MSH4: variants seen among roughly 807,000 people sequenced by gnomAD.
MSH4 encodes the protein mutS protein homolog 4.
Under a neutral mutation model 113.7 loss-of-function variants are expected in MSH4, and 106 were observed. That is an observed-to-expected ratio of 0.93 (90% CI 0.80 to 1.10). The LOEUF (loss-of-function observed/expected upper bound fraction) is 1.10, where lower values mean the gene tolerates loss of function less well. MSH4 is among the 50% of genes least tolerant of loss of function. The pLI is 0.00. For synonymous variants in MSH4, 368 were observed against 380.2 expected (o/e 0.97, Z 0.37); for missense variants, 1,061 against 1,093.7 (o/e 0.97, Z 0.42).
intron 8 of MSH4, among the ~76,000 whole-genome samples, chr1:75,862,042 A>C (rs1651467568): frequency 6.6e-6 from 1 of 151,964 alleles, no homozygotes; most frequent in African/African-American, 2.4e-5. Flanking sequence ...GGTTGATCTC[A>C]GACTGCTGAG....
chr1:75,912,599 G>T, intron 19 of MSH4, 97 bp from the exon 20 acceptor site: 2 of 730,788 alleles, frequency 2.7e-6, no homozygotes, highest in Non-Finnish European at 2.0e-6. Context: ...AGTTCCATAT[G>T]TCTATGGAAG....
chr1:75,798,442 C>T (rs1174176329), intron 1 of MSH4, among the ~76,000 whole-genome samples: 2 of 151,968 alleles, frequency 1.3e-5, no homozygotes, highest in African/African-American at 4.8e-5. Context: ...TGACTATCTC[C>T]ACAGCTCAGA....
intron 6 of MSH4, among the ~76,000 whole-genome samples, chr1:75,819,957 C>T (rs1262717828): frequency 3.3e-5 from 5 of 152,096 alleles, no homozygotes; most frequent in Admixed American, 3.3e-4. Context: ...CTCAAGTGAT[C>T]CACCTGCCTC....
At chr1:75,843,210 C>A (rs912970908) in intron 7 of MSH4, among the ~76,000 whole-genome samples, 2 of 152,166 alleles carry the variant, frequency 1.3e-5, no homozygotes, top group Admixed American at 6.5e-5. Flanking sequence ...TGCTTTGTAT[C>A]CAATAAATAA....
chr1:75,897,909 A>G lies in MSH4; in HGVS notation c.2358A>G (p.Ala786=), dbSNP rs774377205. Residue 786 remains alanine (A), a splice_region_variant and synonymous_variant, in exon 18 of 20, where the codon GCA becomes GCG. Transcript: ENST00000263187. The part of the protein sequence containing the change: ...AVCEYLLSLK[A]FTLFATHFLE... Reference sequence around the variant, plus strand: ...TCATTGTCTGTTATATATTCCAGGCATTTACACTGTTTGCTACACATTTCC... The same window carrying G: ...TCATTGTCTGTTATATATTCCAGGCGTTTACACTGTTTGCTACACATTTCC... 2 of 1,538,452 alleles carry G rather than the reference A, an allele frequency of 1.3e-6. No homozygotes were observed. Among genetic ancestry groups the G allele is most frequent in the East Asian group, 4.7e-5 (2 of 42,282 alleles).
intron 8 of MSH4, among the ~76,000 whole-genome samples, chr1:75,850,778 G>A (rs752060040): frequency 6.6e-6 from 1 of 152,040 alleles, no homozygotes; most frequent in Admixed American, 6.5e-5. Flanking sequence ...AGAAAGGAGT[G>A]TCAAAATCTC....
At chr1:75,841,603 C>T (rs780044311) in intron 7 of MSH4, among the ~76,000 whole-genome samples, 1 of 152,130 alleles carries the variant, frequency 6.6e-6, no homozygotes, top group Admixed American at 6.5e-5. Context: ...TGAGACTAGA[C>T]TATGAAGGGC....
intron 19 of MSH4, among the ~76,000 whole-genome samples, chr1:75,910,719 A>G (rs189199004): frequency 1.4e-3 from 219 of 152,168 alleles, no homozygotes; most frequent in African/African-American, 5.2e-3. Flanking sequence ...CTCTGAATCT[A>G]TATATTTTTC....
chr1:75,836,188 A>G (rs142204508), intron 7 of MSH4, among the ~76,000 whole-genome samples: 1 of 152,220 alleles, frequency 6.6e-6, no homozygotes, highest in African/African-American at 2.4e-5. Context: ...CCTTCCACAC[A>G]ACTTTGCCTG....
At chr1:75,908,685 G>C (rs1652723218) in intron 19 of MSH4, among the ~76,000 whole-genome samples, 1 of 152,076 alleles carries the variant, frequency 6.6e-6, no homozygotes, top group Non-Finnish European at 1.5e-5. Context: ...TGCAATGAAG[G>C]ATCAGTTTAT....
intron 15 of MSH4, among the ~76,000 whole-genome samples, chr1:75,887,626 G>A (rs989931449): frequency 6.6e-6 from 1 of 152,130 alleles, no homozygotes; most frequent in Non-Finnish European, 1.5e-5. Flanking sequence ...GTAAGTCAAA[G>A]TATTGAGAAG....
At chr1:75,879,413 AAAT>A (rs1376692446) in intron 12 of MSH4, among the ~76,000 whole-genome samples, 1 of 152,230 alleles carries the variant, frequency 6.6e-6, no homozygotes, top group African/African-American at 2.4e-5. Flanking sequence ...GAAATTAGGA[AAAT>A]ACCACACCAT....
At chr1:75,910,842 A>G (rs1652772743) in intron 19 of MSH4, among the ~76,000 whole-genome samples, 1 of 152,112 alleles carries the variant, frequency 6.6e-6, no homozygotes, top group African/African-American at 2.4e-5. Context: ...GACTCACCAA[A>G]GTCATATATG....
At chr1:75,882,396 G>A (rs949749491) in intron 14 of MSH4, among the ~76,000 whole-genome samples, 3 of 151,604 alleles carry the variant, frequency 2.0e-5, no homozygotes, top group Admixed American at 6.6e-5. Flanking sequence ...GGAACATTTT[G>A]GTTTTCACAT....
At chr1:75,841,717 G>C (rs188416629) in intron 7 of MSH4, among the ~76,000 whole-genome samples, 28 of 152,182 alleles carry the variant, frequency 1.8e-4, no homozygotes, top group Admixed American at 7.2e-4. Context: ...GAAACATTCT[G>C]GTTGTAGTGA....
intron 6 of MSH4, 36 bp downstream of exon 6, chr1:75,816,582 G>A (rs201054535): frequency 1.3e-5 from 16 of 1,198,732 alleles, no homozygotes; most frequent in South Asian, 3.9e-5. Context: ...AAAATATATC[G>A]GTATATATAT....
At chr1:75,883,436 T>A (rs1305175615) in intron 14 of MSH4, among the ~76,000 whole-genome samples, 185 bp from the exon 15 acceptor site, 6 of 151,968 alleles carry the variant, frequency 3.9e-5, no homozygotes, top group Non-Finnish European at 8.8e-5. Flanking sequence ...TGATAGTGAT[T>A]AGAGTGTGTC....
chr1:75,880,591 G>A (rs1310584355), intron 13 of MSH4, among the ~76,000 whole-genome samples: 1 of 151,976 alleles, frequency 6.6e-6, no homozygotes, highest in Non-Finnish European at 1.5e-5. Flanking sequence ...CACTTATTAG[G>A]CTGAAGTAAT....
At chr1:75,867,352 G>A (rs990816564) in intron 8 of MSH4, among the ~76,000 whole-genome samples, 162 bp from the exon 9 acceptor site, 1 of 148,312 alleles carries the variant, frequency 6.7e-6, no homozygotes, top group African/African-American at 2.6e-5. Flanking sequence ...GTTAATTATG[G>A]TGGGTCAATA....
Sources: gnomAD v4.1 joint callset for allele counts (sites outside exome capture counted in the v4.1 genomes callset) on GRCh38, gnomAD v4.1.1 for gene constraint, MANE v1.5 for transcripts, NCBI Gene and HGNC (gene_info 2026-07-23, HGNC 2026-07-21) for gene names.